The following IL1RAPL1 variants were observed in gnomAD, a reference collection of about 807,000 sequenced individuals.
IL1RAPL1 encodes interleukin 1 receptor accessory protein like 1.
IL1RAPL1 carries 3 observed loss-of-function variants against 48.4 expected under a neutral mutation model. The observed-to-expected ratio is 0.06, with a 90% confidence interval of 0.03 to 0.16. The LOEUF (loss-of-function observed/expected upper bound fraction) is 0.16. Among genes scored for constraint, IL1RAPL1 ranks in the 10% least tolerant of loss-of-function variants. The probability of loss-of-function intolerance (pLI) is 1.00; values close to 1 mark genes in which losing one functional copy is unlikely to be tolerated. For synonymous variants in IL1RAPL1, 185 were observed against 187.7 expected (o/e 0.99, Z 0.12); for missense variants, 349 against 530.6 (o/e 0.66, Z 3.36).
chrX:28,689,130 A>G (rs190461830), intron 1 of IL1RAPL1, among the ~76,000 whole-genome samples: 2 of 111,462 alleles, frequency 1.8e-5, no homozygotes, highest in Admixed American at 1.9e-4. Context: ...TGCATTTGCC[A>G]TAAAGACAAG....
intron 2 of IL1RAPL1, among the ~76,000 whole-genome samples, chrX:29,096,894 G>A (rs745382364): frequency 1.2e-3 from 126 of 109,383 alleles, no homozygotes; most frequent in African/African-American, 4.0e-3. Flanking sequence ...TGTTTCCCAG[G>A]GTGAGAAAGA....
At chrX:29,632,604 G>T (rs764883962) in intron 5 of IL1RAPL1, among the ~76,000 whole-genome samples, 1 of 112,014 alleles carries the variant, frequency 8.9e-6, no homozygotes, top group East Asian at 2.8e-4. Flanking sequence ...GAAGTCCAAT[G>T]AATCTGAAAT....
At chrX:29,582,392 T>A (rs1257424999) in intron 5 of IL1RAPL1, among the ~76,000 whole-genome samples, 7 of 105,393 alleles carry the variant, frequency 6.6e-5, no homozygotes, top group Non-Finnish European at 1.4e-4. Flanking sequence ...TATTTTTATT[T>A]TTTATTTTTT....
chrX:28,959,679 T>C (rs1229719958), intron 2 of IL1RAPL1, among the ~76,000 whole-genome samples: 1 of 112,382 alleles, frequency 8.9e-6, no homozygotes, highest in Non-Finnish European at 1.9e-5. Context: ...GATGTTTATG[T>C]AGCAAGGACA....
At chrX:28,951,413 T>TAAAAAAAAAAA in intron 2 of IL1RAPL1, among the ~76,000 whole-genome samples, 1 of 90,607 alleles carries the variant, frequency 1.1e-5, no homozygotes, top group Non-Finnish European at 2.2e-5. Flanking sequence ...TGATAAATGG[T>TAAAAAAAAAAA]AAAAAAAAAA....
rs370369178 is a variant in IL1RAPL1 at position 28,612,400 on chromosome X, G to A, written c.-25+24353G>A. On this transcript the variant is annotated intron_variant, in intron 1 of 10. Transcript: ENST00000378993. ...GAAGTGGTCCCAGGGACCCCGGGCGGGGCGTTTTAAATTTTGGGGTGGCAG... is the reference window on the plus strand; with the variant it reads ...GAAGTGGTCCCAGGGACCCCGGGCGAGGCGTTTTAAATTTTGGGGTGGCAG... Among the ~76,000 whole-genome samples, 105 of 111,906 alleles carry A rather than the reference G, an allele frequency of 9.4e-4. No homozygotes were observed. In the South Asian group the frequency reaches 0.016, roughly 17 times the overall value.
intron 2 of IL1RAPL1, among the ~76,000 whole-genome samples, chrX:29,210,600 A>C (rs911358856): frequency 1.8e-5 from 2 of 111,943 alleles, no homozygotes; most frequent in Non-Finnish European, 1.9e-5. Context: ...TCAGAAATGT[A>C]TTCAGTCATA....
chrX:29,214,257 T>G (rs952294932), intron 2 of IL1RAPL1, among the ~76,000 whole-genome samples: 1 of 111,586 alleles, frequency 9.0e-6, no homozygotes, highest in African/African-American at 3.3e-5. Flanking sequence ...GGCTTGTTAT[T>G]CCATTATTTT....
intron 3 of IL1RAPL1, among the ~76,000 whole-genome samples, chrX:29,322,190 T>C (rs73631646): frequency 0.028 from 3,070 of 111,121 alleles, 101 homozygotes; most frequent in African/African-American, 0.095. Flanking sequence ...CTTTTCTTTC[T>C]CTTTTTTTCT....
chrX:29,418,193 C>T (rs1429565795), intron 5 of IL1RAPL1, among the ~76,000 whole-genome samples: 3 of 90,674 alleles, frequency 3.3e-5, no homozygotes, highest in Non-Finnish European at 6.2e-5. Context: ...GGCATGATCT[C>T]GGCTCACTGC....
intron 6 of IL1RAPL1, among the ~76,000 whole-genome samples, chrX:29,724,300 A>G (rs778296053): frequency 1.8e-5 from 2 of 111,430 alleles, no homozygotes; most frequent in South Asian, 7.5e-4. Flanking sequence ...CTCCCTCAGG[A>G]AATCTCTGTA....
intron 2 of IL1RAPL1, among the ~76,000 whole-genome samples, chrX:28,801,295 A>G (rs1936672345): frequency 8.9e-6 from 1 of 111,939 alleles, no homozygotes; most frequent in Admixed American, 9.5e-5. Context: ...ATTGTACATT[A>G]GTACAGATAT....
chrX:29,160,229 T>G (rs976941315), intron 2 of IL1RAPL1, among the ~76,000 whole-genome samples: 3 of 112,158 alleles, frequency 2.7e-5, no homozygotes, highest in African/African-American at 9.7e-5. Flanking sequence ...GTACTATCAT[T>G]GTAGAGTAGT....
intron 2 of IL1RAPL1, among the ~76,000 whole-genome samples, chrX:28,928,503 A>C (rs1923805445): frequency 8.9e-6 from 1 of 111,881 alleles, no homozygotes; most frequent in Admixed American, 9.5e-5. Flanking sequence ...ACCTCTGCCT[A>C]GCTTTTTACC....
At position 29,459,698 on chromosome X, in the gene IL1RAPL1, A is replaced by T. The variant is rs771100328; in HGVS notation, c.703+60390A>T. On this transcript the variant is annotated intron_variant, in intron 5 of 10. Transcript: ENST00000378993. Reference sequence around the variant, plus strand: ...GTACAACATGTTTTGAAATATATATACATTGTGAAATACCTAAATCTAGAT... The same window carrying T: ...GTACAACATGTTTTGAAATATATATTCATTGTGAAATACCTAAATCTAGAT... 2.7e-5 allele frequency among the ~76,000 whole-genome samples: 3 copies of T among 112,103 alleles called. No homozygotes were observed. In the South Asian group the frequency reaches 1.1e-3, roughly 42 times the overall value.
chrX:28,690,906 T>G (rs1935170165), intron 1 of IL1RAPL1, among the ~76,000 whole-genome samples: 1 of 111,581 alleles, frequency 9.0e-6, no homozygotes, highest in South Asian at 3.8e-4. Context: ...TATTCACTTC[T>G]CTACATTCCA....
chrX:29,196,040 T>C (rs955451930), intron 2 of IL1RAPL1, among the ~76,000 whole-genome samples: 2 of 112,162 alleles, frequency 1.8e-5, no homozygotes, highest in Admixed American at 1.9e-4. Context: ...TGCCAAAAAG[T>C]CCAGATTTAT....
chrX:29,803,222 CATAT>C (rs1491265009), intron 6 of IL1RAPL1, among the ~76,000 whole-genome samples: 11 of 33,785 alleles, frequency 3.3e-4, no homozygotes, highest in East Asian at 3.3e-3. Flanking sequence ...TATATGTATA[CATAT>C]ACACACATGT....
At chrX:28,848,204 C>T (rs1192365466) in intron 2 of IL1RAPL1, among the ~76,000 whole-genome samples, 1 of 110,934 alleles carries the variant, frequency 9.0e-6, no homozygotes, top group Non-Finnish European at 1.9e-5. Flanking sequence ...AGGACAAATA[C>T]CTAATGCATG....
Sources: gnomAD v4.1 joint callset for allele counts (sites outside exome capture counted in the v4.1 genomes callset) on GRCh38, gnomAD v4.1.1 for gene constraint, MANE v1.5 for transcripts, NCBI Gene and HGNC (gene_info 2026-07-23, HGNC 2026-07-21) for gene names.